The following RBFOX1 variants were observed in gnomAD, a reference collection of about 807,000 sequenced individuals.
RBFOX1 encodes the protein RNA binding protein fox-1 homolog 1.
In RBFOX1, 8 loss-of-function variants were observed where a neutral mutation model predicts 57.7. That is an observed-to-expected ratio of 0.14 (90% CI 0.08 to 0.25). The LOEUF (loss-of-function observed/expected upper bound fraction) is 0.25. Ranked by LOEUF, RBFOX1 falls within the 10% of genes least tolerant of loss-of-function variation. The pLI, the probability that RBFOX1 is intolerant of heterozygous loss-of-function variation, is 1.00. For missense variants in RBFOX1, 611 were observed against 548.5 expected (o/e 1.11, Z -1.14); for synonymous variants, 326 against 222.4 (o/e 1.47, Z -4.15).
Position 6,863,725 on chromosome 16 carries a change from C to CTTTTTTTTTT in RBFOX1, c.-15-188314_-15-188305dup, listed in dbSNP as rs71408412. Among the ~76,000 whole-genome samples the CTTTTTTTTTT allele has an allele frequency of 2.8e-3, 193 of 67,754 alleles. 24 individuals carry two copies. Among genetic ancestry groups the CTTTTTTTTTT allele is most frequent in the African/African-American group, 7.7e-3 (103 of 13,368 alleles). 44.4% of individuals were successfully genotyped at this position (67,754 alleles called of 152,430 possible). A position where few individuals can be genotyped will look rare whatever the true frequency, so the allele number is the denominator to read the frequency against. Reference sequence around the variant, plus strand: ...CGGAAGCACAAATTGGATGCCTGCGCTTTTTTTTTTTTTTTTTTTTTTTTT... The same window carrying CTTTTTTTTTT: ...CGGAAGCACAAATTGGATGCCTGCGCTTTTTTTTTTTTTTTTTTTTTTTTTTTTTTTTTTT... On this transcript the variant is annotated intron_variant, in intron 3 of 15. Transcript: ENST00000550418.
rs560510531 is a variant in RBFOX1, at chr16:5,840,388, G to C, written c.319-26915G>C. 3.8e-3 allele frequency among the ~76,000 whole-genome samples: 582 copies of C among 152,250 alleles called. 4 individuals carry two copies. Among genetic ancestry groups the C allele is most frequent in the Non-Finnish European group, 6.3e-3 (428 of 68,018 alleles). ...GCCACCCCCTGTCCCCAGCGTCTGA[G>C]GGCGCATGAGATGAGGTGAGGCTGT... On this transcript the variant is annotated intron_variant, in intron 3 of 19. Transcript: ENST00000641259.
intron 3 of RBFOX1, among the ~76,000 whole-genome samples, chr16:6,982,848 C>G (rs995152169): frequency 6.6e-6 from 1 of 151,944 alleles, no homozygotes; most frequent in Admixed American, 6.6e-5. Context: ...CAAAAATTAG[C>G]TGGGCATGGT....
intron 4 of RBFOX1, among the ~76,000 whole-genome samples, chr16:7,136,708 C>T (rs1313606851): frequency 6.6e-6 from 1 of 152,182 alleles, no homozygotes; most frequent in Admixed American, 6.5e-5. Flanking sequence ...TGAGTCACTT[C>T]ACCTGGCCCC....
intron 3 of RBFOX1, among the ~76,000 whole-genome samples, chr16:6,801,753 A>G (rs112837791): frequency 1.1e-3 from 162 of 152,280 alleles, no homozygotes; most frequent in African/African-American, 3.6e-3. Flanking sequence ...AACCAGTTAC[A>G]GGGAGAAGGT....
chr16:5,511,155 C>T (rs1276157401), intron 2 of RBFOX1, among the ~76,000 whole-genome samples: 1 of 152,150 alleles, frequency 6.6e-6, no homozygotes, highest in South Asian at 2.1e-4. Context: ...TAAGCCCTGG[C>T]CCCTGAAGAG....
At chr16:6,770,902 T>G (rs555260578) in intron 3 of RBFOX1, among the ~76,000 whole-genome samples, 1 of 152,294 alleles carries the variant, frequency 6.6e-6, no homozygotes, top group East Asian at 1.9e-4. Flanking sequence ...CAAAATGATG[T>G]GCTTGGGTCT....
chr16:7,260,333 T>C (rs1230874056), intron 4 of RBFOX1, among the ~76,000 whole-genome samples: 1 of 152,222 alleles, frequency 6.6e-6, no homozygotes, highest in Admixed American at 6.5e-5. Context: ...TAATACAGTG[T>C]GTGTTTTGTT....
chr16:6,735,608 CT>C (rs2069998743), intron 3 of RBFOX1, among the ~76,000 whole-genome samples: 2 of 152,152 alleles, frequency 1.3e-5, no homozygotes. Flanking sequence ...GCTAAAATAA[CT>C]TGAAACAGAA....
chr16:6,668,975 G>A lies in RBFOX1; in HGVS notation c.-16+14325G>A, dbSNP rs369100544. Reference sequence around the variant, plus strand: ...CTTTTTTGTGATGAGTGGAGTGAACGTTAATTAATTTTTCTTTCTCTTCAG... The same window carrying A: ...CTTTTTTGTGATGAGTGGAGTGAACATTAATTAATTTTTCTTTCTCTTCAG... On this transcript the variant is annotated intron_variant, in intron 3 of 15. Transcript: ENST00000550418. 2.2e-4 allele frequency among the ~76,000 whole-genome samples: 34 copies of A among 152,270 alleles called. No individual in the cohort carries two copies. In the East Asian group the frequency reaches 3.7e-3, roughly 16 times the overall value.
intron 3 of RBFOX1, among the ~76,000 whole-genome samples, chr16:5,666,458 C>T (rs375988881): frequency 1.4e-4 from 21 of 152,306 alleles, no homozygotes; most frequent in African/African-American, 4.6e-4. Flanking sequence ...TTCCCTGGAT[C>T]TCTCAGACAT....
chr16:7,135,324 A>T (rs1007898193), intron 4 of RBFOX1, among the ~76,000 whole-genome samples: 1 of 152,214 alleles, frequency 6.6e-6, no homozygotes, highest in Non-Finnish European at 1.5e-5. Flanking sequence ...TGTTTGCAAG[A>T]GGAAATTTGT....
chr16:6,368,841 G>A (rs2090038532), intron 2 of RBFOX1, among the ~76,000 whole-genome samples: 1 of 152,154 alleles, frequency 6.6e-6, no homozygotes, highest in African/African-American at 2.4e-5. Context: ...AAACCCAGAA[G>A]CAACCTAGTC....
chr16:6,742,957 A>G (rs1401923422), intron 3 of RBFOX1, among the ~76,000 whole-genome samples: 1 of 152,178 alleles, frequency 6.6e-6, no homozygotes, highest in Non-Finnish European at 1.5e-5. Context: ...ACTTATACAA[A>G]CACACTTTAT....
rs372321812 is a variant in RBFOX1, at chr16:7,146,116, G to C, written c.27+94018G>C. ...TTTAAAATGAACTTTGCCTGTCAAA[G>C]CTTGTCTAGGTTAAGGGATGAGCAA... On this transcript the variant is annotated intron_variant, in intron 4 of 15. Coordinates refer to ENST00000550418, the MANE Select transcript of RBFOX1 (RefSeq NM_018723.4). 2.0e-5 allele frequency among the ~76,000 whole-genome samples: 3 copies of C among 152,140 alleles called. 1 individual carries two copies. Among genetic ancestry groups the C allele is most frequent in the South Asian group, 4.2e-4 (2 of 4,812 alleles).
chr16:6,504,174 T>A (rs1359078038), intron 2 of RBFOX1, among the ~76,000 whole-genome samples: 1 of 152,176 alleles, frequency 6.6e-6, no homozygotes, highest in Non-Finnish European at 1.5e-5. Flanking sequence ...TAAAGCACCA[T>A]GTATCTTCAG....
chr16:6,588,587 G>C (rs1473812240), intron 2 of RBFOX1, among the ~76,000 whole-genome samples: 1 of 152,146 alleles, frequency 6.6e-6, no homozygotes, highest in Non-Finnish European at 1.5e-5. Flanking sequence ...AGGAGGTGGA[G>C]GTTGCAGTGA....
chr16:6,509,694 A>G lies in RBFOX1; in HGVS notation c.-63-144909A>G, dbSNP rs2096207757. Reference sequence around the variant, plus strand: ...TAAATAAGTAAAAGAGTATAATCGGATTGTTTGCAGCACAAAAGATTAAAT... The same window carrying G: ...TAAATAAGTAAAAGAGTATAATCGGGTTGTTTGCAGCACAAAAGATTAAAT... On this transcript the variant is annotated intron_variant, in intron 2 of 15. Coordinates refer to ENST00000550418, the MANE Select transcript of RBFOX1 (RefSeq NM_018723.4). Among the ~76,000 whole-genome samples the G allele has an allele frequency of 2.0e-5, 3 of 152,200 alleles. No individual in the cohort carries two copies. The South Asian group carries it at 6.2e-4, about 31-fold the overall frequency.
chr16:6,531,221 C>T (rs909073793), intron 2 of RBFOX1, among the ~76,000 whole-genome samples: 5 of 152,206 alleles, frequency 3.3e-5, no homozygotes. Context: ...CGCTCAGGGA[C>T]ATCTCTGAGA....
chr16:5,945,006 AAAG>A (rs1274492527), intron 4 of RBFOX1, among the ~76,000 whole-genome samples: 52 of 145,630 alleles, frequency 3.6e-4, no homozygotes, highest in Non-Finnish European at 5.9e-4. Flanking sequence ...AGAGAGAGAG[AAAG>A]AGAGAGAAAA....
Sources: gnomAD v4.1 joint callset for allele counts (sites outside exome capture counted in the v4.1 genomes callset) on GRCh38, gnomAD v4.1.1 for gene constraint, MANE v1.5 for transcripts, NCBI Gene and HGNC (gene_info 2026-07-23, HGNC 2026-07-21) for gene names.